PIBF1: variants seen among roughly 807,000 people sequenced by gnomAD.
The protein encoded by PIBF1 is progesterone-induced-blocking factor 1.
In PIBF1, 90 loss-of-function variants were observed where a neutral mutation model predicts 112.5. The observed-to-expected ratio is 0.80, with a 90% CI of 0.67 to 0.95. The LOEUF (loss-of-function observed/expected upper bound fraction) is 0.95, where lower values mean the gene tolerates loss of function less well. Ranked by LOEUF, PIBF1 falls within the 40% of genes least tolerant of loss-of-function variation. PIBF1 has a pLI of 0.00. For missense variants in PIBF1, 915 were observed against 852.3 expected (o/e 1.07, Z -0.92); for synonymous variants, 301 against 288.6 (o/e 1.04, Z -0.44).
chr13:72,852,335 C>T (rs1343423026), intron 9 of PIBF1, among the ~76,000 whole-genome samples: 2 of 152,184 alleles, frequency 1.3e-5, no homozygotes, highest in Admixed American at 1.3e-4. Context: ...TTTCAGTATG[C>T]CTGTCCAGTC....
At chr13:72,901,379 G>A (rs1166714897) in intron 11 of PIBF1, among the ~76,000 whole-genome samples, 1 of 152,102 alleles carries the variant, frequency 6.6e-6, no homozygotes, top group Non-Finnish European at 1.5e-5. Context: ...TGCAAGAATG[G>A]CCACAATCAA....
chr13:72,918,011 G>A (rs183339828), intron 13 of PIBF1, among the ~76,000 whole-genome samples: 11 of 152,202 alleles, frequency 7.2e-5, no homozygotes, highest in African/African-American at 2.6e-4. Flanking sequence ...ACAACTGTAT[G>A]CTAACAGAAA....
intron 10 of PIBF1, among the ~76,000 whole-genome samples, chr13:72,876,961 C>G (rs972389101): frequency 6.6e-6 from 1 of 152,034 alleles, no homozygotes; most frequent in Non-Finnish European, 1.5e-5. Context: ...TTGAAAAGTT[C>G]CTGATCTTAG....
At chr13:72,907,152 A>G (rs986900142) in intron 11 of PIBF1, among the ~76,000 whole-genome samples, 1 of 151,904 alleles carries the variant, frequency 6.6e-6, no homozygotes, top group Non-Finnish European at 1.5e-5. Flanking sequence ...TTCCTTCTCC[A>G]CTCTCCAAAG....
intron 6 of PIBF1, among the ~76,000 whole-genome samples, chr13:72,826,642 C>G (rs1344696956): frequency 6.6e-6 from 1 of 150,610 alleles, no homozygotes; most frequent in Non-Finnish European, 1.5e-5. Context: ...TTTTTTTTAC[C>G]TTAACTGAAC....
intron 12 of PIBF1, among the ~76,000 whole-genome samples, chr13:72,910,708 C>T (rs1467965131): frequency 1.3e-5 from 2 of 152,084 alleles, no homozygotes; most frequent in East Asian, 3.9e-4. Flanking sequence ...AATCTATTTT[C>T]AGATTACCAA....
intron 5 of PIBF1, among the ~76,000 whole-genome samples, chr13:72,801,162 T>C (rs181723124): frequency 3.9e-5 from 6 of 152,170 alleles, no homozygotes; most frequent in African/African-American, 1.2e-4. Context: ...ATACAGACTT[T>C]GATTTTAACC....
intron 13 of PIBF1, among the ~76,000 whole-genome samples, chr13:72,922,990 G>A (rs1300806205): frequency 6.6e-6 from 1 of 152,110 alleles, no homozygotes; most frequent in African/African-American, 2.4e-5. Flanking sequence ...TTTGAAAGTG[G>A]GATCCTTCTG....
chr13:72,825,121 TATAATATGATG>T (rs2036742382), intron 6 of PIBF1, among the ~76,000 whole-genome samples: 1 of 152,078 alleles, frequency 6.6e-6, no homozygotes, highest in Non-Finnish European at 1.5e-5. Context: ...GGTAATAGAT[TATAATATGATG>T]ATAATAGATC....
intron 13 of PIBF1, among the ~76,000 whole-genome samples, chr13:72,920,499 A>G (rs2041250415): frequency 6.6e-6 from 1 of 152,244 alleles, no homozygotes; most frequent in South Asian, 2.1e-4. Context: ...TGAAGTTTGC[A>G]AAGTCCACAT....
At chr13:72,842,872 C>A (rs2037675436) in intron 9 of PIBF1, among the ~76,000 whole-genome samples, 1 of 152,156 alleles carries the variant, frequency 6.6e-6, no homozygotes, top group South Asian at 2.1e-4. Context: ...TTTTTATTAT[C>A]AGTTATCTTT....
At chr13:72,948,627 G>A (rs1037174195) in intron 14 of PIBF1, among the ~76,000 whole-genome samples, 1 of 152,130 alleles carries the variant, frequency 6.6e-6, no homozygotes, top group Non-Finnish European at 1.5e-5. Context: ...ACTGTATTAA[G>A]CCATTCTCAT....
intron 2 of PIBF1, among the ~76,000 whole-genome samples, chr13:72,785,304 G>C (rs2034540567): frequency 6.6e-6 from 1 of 151,972 alleles, no homozygotes; most frequent in Non-Finnish European, 1.5e-5. Context: ...TTTGTTATTT[G>C]TCTGTGAATA....
chr13:72,989,367 T>C (rs1394891763), intron 16 of PIBF1, among the ~76,000 whole-genome samples: 1 of 151,808 alleles, frequency 6.6e-6, no homozygotes, highest in African/African-American at 2.4e-5. Flanking sequence ...CAAAATTTGG[T>C]ATATCCATGC....
chr13:72,852,442 G>A (rs1373047635), intron 9 of PIBF1, among the ~76,000 whole-genome samples: 5 of 152,148 alleles, frequency 3.3e-5, no homozygotes, highest in African/African-American at 4.8e-5. Flanking sequence ...ACTTGCTCAC[G>A]CACCCCTTGC....
intron 5 of PIBF1, among the ~76,000 whole-genome samples, chr13:72,821,054 C>T (rs1042256263): frequency 3.3e-5 from 5 of 152,152 alleles, no homozygotes; most frequent in African/African-American, 9.7e-5. Context: ...GAGATCAGTG[C>T]TCTGAAGGAG....
At chr13:72,792,763 G>T (rs1481017642) in intron 3 of PIBF1, among the ~76,000 whole-genome samples, 1 of 152,042 alleles carries the variant, frequency 6.6e-6, no homozygotes, top group Non-Finnish European at 1.5e-5. Flanking sequence ...AACAAACATT[G>T]GTCAGTGTAA....
At chr13:72,908,796 C>G (rs1198376677) in intron 12 of PIBF1, 115 bp downstream of exon 12, 2 of 907,036 alleles carry the variant, frequency 2.2e-6, no homozygotes, top group Admixed American at 2.6e-5. Flanking sequence ...TGCCTGTAAT[C>G]TTAGCACTTT....
chr13:72,808,898 C>T (rs1004749188), intron 5 of PIBF1, among the ~76,000 whole-genome samples: 4 of 152,140 alleles, frequency 2.6e-5, no homozygotes, highest in Admixed American at 2.0e-4. Context: ...ATAATGACAA[C>T]TCCATAGTGG....
Sources: allele counts gnomAD v4.1 joint callset (sites outside exome capture counted in the v4.1 genomes callset), GRCh38; gene constraint gnomAD v4.1.1; transcripts MANE v1.5; gene names NCBI Gene and HGNC (gene_info 2026-07-23, HGNC 2026-07-21).